SATB1: variants seen among roughly 807,000 people sequenced by gnomAD.
SATB1 encodes the protein SATB homeobox 1.
SATB1 carries 11 observed loss-of-function variants against 86.9 expected under a neutral mutation model. That is an observed-to-expected ratio of 0.13 (90% CI 0.08 to 0.21). The LOEUF is 0.21. SATB1 is among the 10% of genes least tolerant of loss of function. The pLI is 1.00. For synonymous variants in SATB1, 357 were observed against 357.2 expected (o/e 1.00, Z 0.01); for missense variants, 551 against 937.6 (o/e 0.59, Z 5.39).
chr3:18,434,802 A>C (rs1575186761), intron 2 of SATB1: 2 of 152,170 alleles, frequency 1.3e-5, no homozygotes, highest in East Asian at 1.9e-4. Flanking sequence ...AATATAAGGA[A>C]ATTTCTCACA....
intron 5 of SATB1, among the ~76,000 whole-genome samples, chr3:18,402,294 G>C (rs548804754): frequency 7.6e-4 from 115 of 152,120 alleles, no homozygotes; most frequent in Non-Finnish European, 7.8e-4. Flanking sequence ...GAAAGGCAGT[G>C]ATCTGATTAC....
upstream of SATB1, among the ~76,000 whole-genome samples, chr3:18,442,522 G>C (rs555512002): frequency 6.6e-6 from 1 of 152,098 alleles, no homozygotes; most frequent in Non-Finnish European, 1.5e-5. Context: ...CATTTAAAAC[G>C]TGTACAAATA....
At chr3:18,411,621 T>C (rs1697846965) in intron 5 of SATB1, among the ~76,000 whole-genome samples, 1 of 151,964 alleles carries the variant, frequency 6.6e-6, no homozygotes, top group Non-Finnish European at 1.5e-5. Context: ...GGCTCTCTTG[T>C]CCCCAAATCA....
chr3:18,365,201 A>G (rs998082575), intron 9 of SATB1, among the ~76,000 whole-genome samples: 4 of 152,186 alleles, frequency 2.6e-5, no homozygotes, highest in East Asian at 3.8e-4. Context: ...AAACACAGAG[A>G]TTGGGCTTAC....
chr3:18,441,502 T>C (rs1213558838), upstream of SATB1, among the ~76,000 whole-genome samples: 1 of 152,226 alleles, frequency 6.6e-6, no homozygotes, highest in Admixed American at 6.5e-5. Flanking sequence ...TTATTTTAAA[T>C]ACTTCATCAA....
chr3:18,420,821 A>G lies in SATB1; in HGVS notation c.147T>C (p.Gly49=). 6.2e-7 allele frequency: 1 copy of G among 1,614,110 alleles called. No individual in the cohort carries two copies. The highest frequency in any genetic ancestry group is 8.5e-7 in the Non-Finnish European group (1 of 1,180,020). The change falls in exon 2 of 11, where the codon GGT becomes GGC. Residue 49 remains glycine (G), a synonymous_variant. Coordinates refer to ENST00000338745, the MANE Select transcript of SATB1 (RefSeq NM_002971.6). ...PLGRGRLGST[G]AKMQGVPLKH... The stretch of plus-strand genomic sequence containing the variant: ...TTAAAGGCACTCCCTGCATTTTTGC[A>G]CCTGTACTCCCAAGCCTTCCTCTTC...
chr3:18,365,864 TC>T (rs1318992751), intron 9 of SATB1, among the ~76,000 whole-genome samples: 1 of 152,042 alleles, frequency 6.6e-6, no homozygotes, highest in Non-Finnish European at 1.5e-5. Flanking sequence ...CTATTACCCT[TC>T]CCCCAATCTC....
rs74486484 is a variant in SATB1 at position 18,377,642 on chromosome 3, G to A, written c.1575+528C>T. On this transcript the variant is annotated intron_variant, in intron 9 of 10. Transcript: ENST00000338745. ...ACAGAAAAATTAAAATCATTAATAT[G>A]CAAAGCTATGTGTGTGTGTGTGTCA... 1.4e-3 allele frequency among the ~76,000 whole-genome samples: 207 copies of A among 152,132 alleles called. 7 individuals carry two copies. The East Asian group carries it at 0.036, about 26-fold the overall frequency.
At chr3:18,443,453 C>G (rs1489736072), upstream of SATB1, among the ~76,000 whole-genome samples, 1 of 152,200 alleles carries the variant, frequency 6.6e-6, no homozygotes, top group Non-Finnish European at 1.5e-5. This position sits in a 1 kb window ranked among gnomAD's most constrained non-coding sequence, Gnocchi z 4.4. Flanking sequence ...CAAGGAAGGG[C>G]GCAGAGGTCA....
At chr3:18,445,498 C>G (rs1337940919) in intron 1 of SATB1, 18 of 985,336 alleles carry the variant, frequency 1.8e-5, no homozygotes, top group Non-Finnish European at 1.9e-5. Context: ...TCTCGTCGCC[C>G]GCCAACCCTG....
chr3:18,380,773 A>G (rs62238548), intron 8 of SATB1, among the ~76,000 whole-genome samples: 5,541 of 152,198 alleles, frequency 0.036, 223 homozygotes, highest in African/African-American at 0.096. Context: ...TGACTTGGAC[A>G]GCTTTTCAAA....
At chr3:18,417,752 C>A in intron 2 of SATB1, 1 of 677,828 alleles carries the variant, frequency 1.5e-6, no homozygotes, top group Non-Finnish European at 2.7e-6. Flanking sequence ...ATTTAACCTA[C>A]CTAACTAAAA....
chr3:18,388,224 A>C (rs745688643), intron 7 of SATB1, among the ~76,000 whole-genome samples: 4 of 152,164 alleles, frequency 2.6e-5, no homozygotes, highest in Non-Finnish European at 5.9e-5. Flanking sequence ...AATTCAGTCA[A>C]ACAGGCAGTC....
intron 9 of SATB1, among the ~76,000 whole-genome samples, chr3:18,366,769 T>C (rs1297212956): frequency 6.6e-6 from 1 of 152,176 alleles, no homozygotes; most frequent in African/African-American, 2.4e-5. Flanking sequence ...CCATGTAATA[T>C]GGAGTTCATA....
intron 9 of SATB1, among the ~76,000 whole-genome samples, chr3:18,360,209 C>T (rs1297590070): frequency 1.3e-5 from 2 of 152,042 alleles, no homozygotes; most frequent in Admixed American, 6.6e-5. Context: ...GGTAAAGAAA[C>T]GGGTTTAATT....
chr3:18,422,595 T>C (rs1479168895), intron 1 of SATB1, among the ~76,000 whole-genome samples: 1 of 152,252 alleles, frequency 6.6e-6, no homozygotes, highest in African/African-American at 2.4e-5. Flanking sequence ...TATATTAAAC[T>C]GCAGTCTAAA....
intron 2 of SATB1, among the ~76,000 whole-genome samples, chr3:18,419,937 A>T (rs1042175906): frequency 6.6e-6 from 1 of 152,230 alleles, no homozygotes; most frequent in Non-Finnish European, 1.5e-5. Context: ...TTCTAACTTT[A>T]TCTACTTAAT....
chr3:18,398,686 T>C (rs774672295), intron 5 of SATB1, among the ~76,000 whole-genome samples: 4 of 152,196 alleles, frequency 2.6e-5, no homozygotes, highest in Non-Finnish European at 5.9e-5. Flanking sequence ...GCATTATTTA[T>C]GTAAAACACA....
rs1694015777 is a variant in SATB1 at position 18,345,650 on chromosome 3, A to AT, written c.*3519dup. 1 of 152,008 alleles carries AT rather than the reference A, an allele frequency of 6.6e-6. No homozygotes were observed. Among genetic ancestry groups the AT allele is most frequent in the African/African-American group, 2.4e-5 (1 of 41,414 alleles). The allele number at this position is 152,008 out of a possible 1,614,324, so 9.4% of individuals were successfully genotyped here. On this transcript the variant is annotated 3_prime_UTR_variant, in exon 11 of 11. Coordinates refer to ENST00000338745, the MANE Select transcript of SATB1 (RefSeq NM_002971.6). ...ATGCATAAAGAAGACTAGTATTGATATTTTCTGATATTTTAGATATGATTA... is the reference window on the plus strand; with the variant it reads ...ATGCATAAAGAAGACTAGTATTGATATTTTTCTGATATTTTAGATATGATTA...
Sources: gnomAD v4.1 joint callset for allele counts (sites outside exome capture counted in the v4.1 genomes callset) on GRCh38, gnomAD v4.1.1 for gene constraint, Gnocchi (gnomAD v3.1) non-coding constraint, MANE v1.5 for transcripts, NCBI Gene and HGNC (gene_info 2026-07-23, HGNC 2026-07-21) for gene names.